The following SNX11 variants were observed in gnomAD, a reference collection of about 807,000 sequenced individuals.
SNX11 encodes the protein sorting nexin-11.
In SNX11, 19 loss-of-function variants were observed where a neutral mutation model predicts 30.7. The ratio of observed to expected loss-of-function variants is 0.62; its 90% confidence interval spans 0.43 to 0.91. The LOEUF (loss-of-function observed/expected upper bound fraction) is 0.91, where lower values mean the gene tolerates loss of function less well. SNX11 is among the 40% of genes least tolerant of loss of function. SNX11 has a pLI of 0.00. For missense variants in SNX11, 302 were observed against 326.7 expected, an observed-to-expected ratio of 0.92 and a Z score of 0.58; for synonymous variants, 112 against 119.0, an observed-to-expected ratio of 0.94 and a Z score of 0.38.
rs1310484600 is a variant in SNX11 at position 48,114,828 on chromosome 17, GCTGA to G, written c.230+1430_230+1433del. On this transcript the variant is annotated intron_variant, in intron 4 of 6. Transcript: ENST00000359238. ...TTACAGGCGCCTGCCACCACGCCTG[GCTGA>G]CTATTTTGTATTTTAGTAGAGATGA... 6.6e-5 allele frequency among the ~76,000 whole-genome samples: 10 copies of G among 151,714 alleles called. 2 individuals are homozygous for G. In the Middle Eastern group the frequency reaches 0.017, roughly 258 times the overall value.
intron 6 of SNX11, among the ~76,000 whole-genome samples, chr17:48,120,362 A>G (rs976281244): frequency 1.3e-5 from 2 of 151,156 alleles, no homozygotes; most frequent in African/African-American, 2.4e-5. Flanking sequence ...ACCTGCCACC[A>G]CACCCAGCTA....
intron 6 of SNX11, 91 bp downstream of exon 6, chr17:48,119,277 A>G: frequency 1.0e-6 from 1 of 995,332 alleles, no homozygotes; most frequent in Non-Finnish European, 1.5e-6. Flanking sequence ...GTAATGTCAT[A>G]GCATTGGTAG....
rs36043565 is a variant in SNX11 at position 48,111,647 on chromosome 17, C to CAAAA, written c.-13-371_-13-368dup. Among the ~76,000 whole-genome samples the CAAAA allele has an allele frequency of 2.3e-3, 309 of 132,926 alleles. 3 individuals carry two copies. The highest frequency in any genetic ancestry group is 7.3e-3 in the African/African-American group (255 of 34,728). The allele number at this position is 132,926 out of a possible 152,430, so 87.2% of individuals were successfully genotyped here. A position where few individuals can be genotyped will look rare whatever the true frequency, so the allele number is the denominator to read the frequency against. ...GGGCAACAAGAGTGAAACTCTGCCT[C>CAAAA]AAAAAAAAAAAAAAAATGCTGTGAT... On this transcript the variant is annotated intron_variant, in intron 1 of 6. Coordinates refer to ENST00000359238, the MANE Select transcript of SNX11 (RefSeq NM_013323.3).
At chr17:48,112,731 CTT>C (rs373077316) in intron 3 of SNX11, 71 bp downstream of exon 3, 10,640 of 577,282 alleles carry the variant, frequency 0.018, no homozygotes, top group East Asian at 0.032. Context: ...GAGGTGTAAC[CTT>C]TTTTTTTTTT....
chr17:48,114,922 C>T (rs900319599), intron 4 of SNX11, among the ~76,000 whole-genome samples: 1 of 151,712 alleles, frequency 6.6e-6, no homozygotes, highest in African/African-American at 2.4e-5. Context: ...CCATCTCCAC[C>T]TCCCAAAGTG....
At chr17:48,112,817 G>T in intron 3 of SNX11, 157 bp downstream of exon 3, 1 of 357,390 alleles carries the variant, frequency 2.8e-6, no homozygotes, top group Non-Finnish European at 5.1e-6. Context: ...TGCAACCTCC[G>T]CCTCCCAGGT....
At chr17:48,118,174 A>G (rs971246964) in intron 4 of SNX11, among the ~76,000 whole-genome samples, 5 of 152,212 alleles carry the variant, frequency 3.3e-5, no homozygotes, top group African/African-American at 7.2e-5. Flanking sequence ...AAGTGAGTTA[A>G]TATCTTTCTC....
intron 1 of SNX11, among the ~76,000 whole-genome samples, chr17:48,108,410 A>G (rs372892441): frequency 1.3e-5 from 2 of 152,248 alleles, no homozygotes; most frequent in East Asian, 1.9e-4. Context: ...GCTTTCTGCC[A>G]TCTGGCACTA....
Position 48,118,966 on chromosome 17 carries a change from T to C in SNX11, c.327-8T>C, listed in dbSNP as rs768430289. ...TGCTCTGTGTTGTGCTACCTGTGTT[T>C]TTCCCAGGGTCCTGCAGAGTGTGGT... On this transcript the variant is annotated splice_polypyrimidine_tract_variant and splice_region_variant and intron_variant, in intron 5 of 6. Transcript: ENST00000359238. 3.7e-6 allele frequency: 6 copies of C among 1,613,748 alleles called. No homozygotes were observed. The highest frequency in any genetic ancestry group is 3.4e-6 in the Non-Finnish European group (4 of 1,179,864).
At chr17:48,112,329 A>G (rs2063500219) in intron 2 of SNX11, 2 of 626,910 alleles carry the variant, frequency 3.2e-6, no homozygotes, top group Non-Finnish European at 5.7e-6. Flanking sequence ...TCATGGGGGC[A>G]GGCACTTACG....
chr17:48,113,458 T>C, intron 4 of SNX11, 57 bp downstream of exon 4: 1 of 1,122,792 alleles, frequency 8.9e-7, no homozygotes. Context: ...GGTGCTTATG[T>C]AGGAACTGGA....
chr17:48,121,404 C>T lies in SNX11; in HGVS notation c.709C>T (p.Pro237Ser), dbSNP rs1385683839. 6.2e-7 allele frequency: 1 copy of T among 1,614,192 alleles called. No homozygotes were observed. Among genetic ancestry groups the T allele is most frequent in the Admixed American group, 1.7e-5 (1 of 60,008 alleles). Residue 237 changes from proline to serine, a missense_variant, in exon 7 of 7, where the codon CCC (proline) becomes TCC (serine). Transcript: ENST00000359238. ...SSPLCCDFGR[P>S]KEGTSTLQSV... ...ACCATTATGCTGTGATTTTGGAAGACCCAAAGAGGGAACCTCCACTCTTCA... is the reference window on the plus strand; with the variant it reads ...ACCATTATGCTGTGATTTTGGAAGATCCAAAGAGGGAACCTCCACTCTTCA...
chr17:48,114,554 T>C (rs964594783), intron 4 of SNX11, among the ~76,000 whole-genome samples: 21 of 147,104 alleles, frequency 1.4e-4, no homozygotes, highest in African/African-American at 5.3e-4. Context: ...GCCTCCCGGG[T>C]TCAAGCAGTT....
intron 1 of SNX11, among the ~76,000 whole-genome samples, chr17:48,109,717 AC>A (rs1211665730): frequency 2.0e-5 from 3 of 151,916 alleles, no homozygotes; most frequent in African/African-American, 7.3e-5. Flanking sequence ...AGGTGGGATT[AC>A]AGGCGCCTGC....
At chr17:48,113,260 A>G (rs1567777837) in intron 3 of SNX11, 41 bp from the exon 4 acceptor site, 2 of 1,527,578 alleles carry the variant, frequency 1.3e-6, no homozygotes, top group Admixed American at 3.4e-5. Flanking sequence ...GTCTATTTCC[A>G]CTAAACCCTT....
intron 4 of SNX11, among the ~76,000 whole-genome samples, chr17:48,114,168 CTTTT>C (rs34702745): frequency 4.8e-5 from 6 of 126,244 alleles, no homozygotes; most frequent in Non-Finnish European, 8.4e-5. Context: ...GAAATATGTT[CTTTT>C]TTTTTTTTTT....
chr17:48,111,073 C>T, intron 1 of SNX11: 2 of 985,040 alleles, frequency 2.0e-6, no homozygotes, highest in South Asian at 9.4e-5. Context: ...TCGACCTGTG[C>T]AGCTGTGGGG....
chr17:48,120,644 G>T (rs1405398095), intron 6 of SNX11, among the ~76,000 whole-genome samples: 1 of 151,266 alleles, frequency 6.6e-6, no homozygotes, highest in Admixed American at 6.6e-5. Context: ...GAGTAGCTGG[G>T]ACTACAGGCG....
intron 4 of SNX11, among the ~76,000 whole-genome samples, chr17:48,117,017 G>A (rs971843512): frequency 2.0e-5 from 3 of 151,320 alleles, no homozygotes; most frequent in Admixed American, 2.0e-4. Context: ...GATTACAGGG[G>A]TGCACCACCA....
Sources: gnomAD v4.1 joint callset for allele counts (sites outside exome capture counted in the v4.1 genomes callset) on GRCh38, gnomAD v4.1.1 for gene constraint, MANE v1.5 for transcripts, NCBI Gene and HGNC (gene_info 2026-07-23, HGNC 2026-07-21) for gene names.